Variants in DNHD1 observed in about 807,000 individuals in gnomAD.
DNHD1 encodes dynein heavy chain domain 1.
A neutral mutation model predicts 458.1 loss-of-function variants in DNHD1; 383 were observed. That is an observed-to-expected ratio of 0.84 (90% confidence interval 0.77 to 0.91). The LOEUF (loss-of-function observed/expected upper bound fraction) is 0.91. Ranked by LOEUF, DNHD1 falls within the 40% of genes least tolerant of loss-of-function variation. The pLI is 0.00. For synonymous variants in DNHD1, 2,203 were observed against 2,376.9 expected, an observed-to-expected ratio of 0.93 and a Z score of 2.13; for missense variants, 5,336 against 5,866.1, an observed-to-expected ratio of 0.91 and a Z score of 2.95.
chr11:6,527,717 A>C (rs1253533449), intron 10 of DNHD1, among the ~76,000 whole-genome samples: 2 of 152,236 alleles, frequency 1.3e-5, no homozygotes, highest in Admixed American at 1.3e-4. Flanking sequence ...GAGTGAGTAC[A>C]GTTGGAGAAG....
rs759650913 is a variant in DNHD1 at position 6,546,516 on chromosome 11, C to T, written c.5577C>T (p.Phe1859=). ...FQMATRLSKF[F]SLERELVSGP... is the part of the protein sequence containing the mutation. The stretch of plus-strand genomic sequence containing the variant: ...TGGCTACCCGCCTATCCAAATTCTT[C>T]TCTCTAGAGCGTGAGCTGGTGTCTG... The change falls in exon 21 of 43, where the codon TTC becomes TTT. Residue 1859 remains phenylalanine, a synonymous_variant. Coordinates refer to ENST00000254579, the MANE Select transcript of DNHD1 (RefSeq NM_144666.3). 62 of 1,551,192 alleles carry T rather than the reference C, an allele frequency of 4.0e-5. No homozygotes were observed. Among genetic ancestry groups the T allele is most frequent in the Admixed American group, 5.9e-5 (3 of 50,988 alleles).
chr11:6,540,881 T>C (rs990559019), intron 18 of DNHD1, among the ~76,000 whole-genome samples: 1 of 152,254 alleles, frequency 6.6e-6, no homozygotes, highest in African/African-American at 2.4e-5. Context: ...GTTTAAGATT[T>C]TTATTTTAGC....
intron 24 of DNHD1, among the ~76,000 whole-genome samples, chr11:6,550,546 A>G (rs149153147): frequency 6.4e-4 from 97 of 152,332 alleles, no homozygotes; most frequent in Non-Finnish European, 1.2e-3. Context: ...ACCCCCAGAA[A>G]ATAATGTGAC....
At chr11:6,514,571 CTCTT>C (rs917145690) in intron 7 of DNHD1, among the ~76,000 whole-genome samples, 26 of 150,886 alleles carry the variant, frequency 1.7e-4, no homozygotes, top group South Asian at 6.4e-4. Flanking sequence ...CTCCCTCCCT[CTCTT>C]CCTTCCTTCC....
At chr11:6,543,165 A>G (rs1760412242) in intron 18 of DNHD1, among the ~76,000 whole-genome samples, 1 of 152,210 alleles carries the variant, frequency 6.6e-6, no homozygotes, top group African/African-American at 2.4e-5. Context: ...TGTGACTCTG[A>G]GAGCAGGATA....
Position 6,571,063 on chromosome 11 carries a change from C to T in DNHD1, c.13551C>T (p.Pro4517=), listed in dbSNP as rs1243280613. ...LQQLKGAPPC[P]SRRCAAVAHA... is the part of the protein sequence containing the mutation. ...AGCTGAAGGGCGCACCCCCGTGCCC[C>T]TCCCGCCGCTGTGCTGCGGTGGCCC... The change falls in exon 42 of 43, where the codon CCC becomes CCT. Residue 4517 remains proline, a synonymous_variant. Transcript: ENST00000254579. The surrounding 1 kb of genome is among the most constrained non-coding windows in gnomAD (Gnocchi z 5.0). 1.9e-6 allele frequency: 3 copies of T among 1,579,210 alleles called. No individual in the cohort carries two copies. The highest frequency in any genetic ancestry group is 2.6e-6 in the Non-Finnish European group (3 of 1,161,764).
intron 14 of DNHD1, chr11:6,534,378 G>A (rs1852895053): frequency 1.7e-6 from 1 of 594,492 alleles, no homozygotes; most frequent in South Asian, 2.3e-5. Context: ...TTAGGGTGGG[G>A]GTATGGGGGC....
chr11:6,508,251 A>AG (rs2134373911), intron 4 of DNHD1: 1 of 152,628 alleles, frequency 6.6e-6, no homozygotes, highest in East Asian at 1.9e-4. Context: ...ATTTTGCTGA[A>AG]GTAAGAGAAC....
At chr11:6,520,491 T>C in intron 10 of DNHD1, 1 of 1,436,318 alleles carries the variant, frequency 7.0e-7, no homozygotes, top group Non-Finnish European at 9.1e-7. Context: ...ATTCACGTGG[T>C]TATGTGTATG....
intron 24 of DNHD1, among the ~76,000 whole-genome samples, chr11:6,549,436 T>G (rs568061904): frequency 6.6e-6 from 1 of 152,250 alleles, no homozygotes; most frequent in African/African-American, 2.4e-5. Context: ...GATCTTTACT[T>G]GGAAATCTGA....
intron 28 of DNHD1, among the ~76,000 whole-genome samples, chr11:6,559,822 T>C (rs1047782396): frequency 2.0e-5 from 3 of 152,194 alleles, no homozygotes; most frequent in East Asian, 3.9e-4. Flanking sequence ...TGAATTGTCT[T>C]ACTCACCCTC....
At position 6,557,992 on chromosome 11, in the gene DNHD1, T is replaced by C. The variant is rs1853505996; in HGVS notation, c.8697T>C (p.Thr2899=). Residue 2899 remains threonine, a synonymous_variant, in exon 25 of 43, where the codon ACT becomes ACC. Coordinates refer to ENST00000254579, the MANE Select transcript of DNHD1 (RefSeq NM_144666.3). ...LSGALGTGRH[T]AITLASSICQ... ...GGGCTCTGGGTACTGGGCGCCACACTGCCATCACTCTGGCTTCTAGCATTT... is the reference window on the plus strand; with the variant it reads ...GGGCTCTGGGTACTGGGCGCCACACCGCCATCACTCTGGCTTCTAGCATTT... 1 of 1,551,564 alleles carries C rather than the reference T, an allele frequency of 6.4e-7. No homozygotes were observed. The highest frequency in any genetic ancestry group is 1.4e-5 in the African/African-American group (1 of 73,044).
At position 6,570,909 on chromosome 11, in the gene DNHD1, C is replaced by A; in HGVS notation, c.13397C>A (p.Ser4466Tyr). The A allele has an allele frequency of 1.2e-6, 2 of 1,613,454 alleles. No homozygotes were observed. Among genetic ancestry groups the A allele is most frequent in the East Asian group, 4.5e-5 (2 of 44,878 alleles). The change falls in exon 42 of 43, where the codon TCC (serine) becomes TAC (tyrosine). Residue 4466 changes from serine (S) to tyrosine (Y), a missense_variant. By Grantham distance (144) the Ser-to-Tyr change is moderately radical. Coordinates refer to ENST00000254579, the MANE Select transcript of DNHD1 (RefSeq NM_144666.3). ...ACCCACGTGATTCGCCAAGACGAGTCCGACGCCCCGTGGTCAGTGCTGGGG... is the reference window on the plus strand; with the variant it reads ...ACCCACGTGATTCGCCAAGACGAGTACGACGCCCCGTGGTCAGTGCTGGGG... ...LLTHVIRQDESDAPWSVLGPN... is the reference protein window; with the variant it reads ...LLTHVIRQDEYDAPWSVLGPN...
chr11:6,501,955 T>C (rs1392235362), intron 3 of DNHD1, among the ~76,000 whole-genome samples: 2 of 152,240 alleles, frequency 1.3e-5, no homozygotes, highest in Non-Finnish European at 2.9e-5. Context: ...TGCACTGTTA[T>C]CCCTGGGGAA....
chr11:6,537,134 G>A (rs1852968895), intron 14 of DNHD1, among the ~76,000 whole-genome samples: 1 of 152,136 alleles, frequency 6.6e-6, no homozygotes, highest in Non-Finnish European at 1.5e-5. Context: ...TAAGTAAATT[G>A]CAAACCTCGA....
chr11:6,518,218 G>A lies in DNHD1; in HGVS notation c.1393-1382G>A, dbSNP rs111658080. Among the ~76,000 whole-genome samples the A allele has an allele frequency of 6.8e-3, 1,031 of 152,140 alleles. 11 individuals are homozygous for A. Among genetic ancestry groups the A allele is most frequent in the African/African-American group, 0.024 (993 of 41,518 alleles). On this transcript the variant is annotated intron_variant, in intron 7 of 42. Coordinates refer to ENST00000254579, the MANE Select transcript of DNHD1 (RefSeq NM_144666.3). ...GGACTACAGCAGTTGATACCGCCAC[G>A]CCTGGCTAATTTTTTGTATTTTTTG...
rs907784548 is a variant in DNHD1 at position 6,564,135 on chromosome 11, C to G, written c.10284+11C>G. Reference sequence around the variant, plus strand: ...ACTACACAGCTCCAGGTAACCATCCCCCTCCCAGATGTCTCCCCCAAAGTT... The same window carrying G: ...ACTACACAGCTCCAGGTAACCATCCGCCTCCCAGATGTCTCCCCCAAAGTT... On this transcript the variant is annotated intron_variant, in intron 31 of 42. Transcript: ENST00000254579. 1.3e-6 allele frequency: 2 copies of G among 1,545,670 alleles called. No homozygotes were observed. Among genetic ancestry groups the G allele is most frequent in the African/African-American group, 2.7e-5 (2 of 72,936 alleles).
intron 7 of DNHD1, among the ~76,000 whole-genome samples, chr11:6,515,444 C>G (rs1352330167): frequency 6.6e-6 from 1 of 152,058 alleles, no homozygotes; most frequent in African/African-American, 2.4e-5. Context: ...TTTAGTCTCT[C>G]TTATATGGAA....
chr11:6,545,706 A>C lies in DNHD1; in HGVS notation c.4767A>C (p.Glu1589Asp), dbSNP rs1391252739. 6.4e-7 allele frequency: 1 copy of C among 1,551,668 alleles called. No homozygotes were observed. Among genetic ancestry groups the C allele is most frequent in the Non-Finnish European group, 8.7e-7 (1 of 1,146,996 alleles). The change falls in exon 21 of 43, where the codon GAA becomes GAC. Residue 1589 changes from glutamate to aspartate, a missense_variant. Around this residue, in one of 4 missense-constraint regions of DNHD1, gnomAD observed 3,932 missense variants for 4,365.6 expected, o/e 0.90. Transcript: ENST00000254579. This position sits in a 1 kb window ranked among gnomAD's most constrained non-coding sequence, Gnocchi z 4.9. ...VTHRDIAQLL[E>D]QHQVSDLTDF... ...ACCGGGATATAGCACAGCTGCTGGAACAGCACCAGGTCAGTGATCTCACAG... is the reference window on the plus strand; with the variant it reads ...ACCGGGATATAGCACAGCTGCTGGACCAGCACCAGGTCAGTGATCTCACAG...
Sources: gnomAD v4.1 joint callset for allele counts (sites outside exome capture counted in the v4.1 genomes callset) on GRCh38, gnomAD v4.1.1 for gene constraint, gnomAD v4.1.1 regional missense constraint, Gnocchi (gnomAD v3.1) non-coding constraint, MANE v1.5 for transcripts, NCBI Gene and HGNC (gene_info 2026-07-23, HGNC 2026-07-21) for gene names.